The following CSMD1 variants were observed in gnomAD, a reference collection of about 807,000 sequenced individuals.
CSMD1 encodes the protein CUB and sushi domain-containing protein 1.
In CSMD1, 213 loss-of-function variants were observed where a neutral mutation model predicts 417.5. That is an observed-to-expected ratio of 0.51 (90% CI 0.46 to 0.57). CSMD1 has a LOEUF of 0.57. CSMD1 is among the 20% of genes least tolerant of loss of function. The pLI, the probability that CSMD1 is intolerant of heterozygous loss-of-function variation, is 0.00. For synonymous variants in CSMD1, 2,862 were observed against 1,736.8 expected (o/e 1.65, Z -16.11); for missense variants, 6,923 against 4,529.7 (o/e 1.53, Z -15.17).
At chr8:3,141,015 A>G (rs1818405028) in intron 41 of CSMD1, among the ~76,000 whole-genome samples, 1 of 152,176 alleles carries the variant, frequency 6.6e-6, no homozygotes, top group Non-Finnish European at 1.5e-5. Context: ...TACCTGAGAG[A>G]CCTACAGACT....
At chr8:4,287,073 G>C (rs1043331296) in intron 3 of CSMD1, among the ~76,000 whole-genome samples, 1 of 152,030 alleles carries the variant, frequency 6.6e-6, no homozygotes, top group Non-Finnish European at 1.5e-5. Context: ...TAACTTGAGA[G>C]AACAAAAAAG....
chr8:3,679,245 G>T (rs1253311175), intron 7 of CSMD1, among the ~76,000 whole-genome samples: 1 of 152,134 alleles, frequency 6.6e-6, no homozygotes, highest in South Asian at 2.1e-4. Flanking sequence ...CTGGCAAATT[G>T]GATAAAGAGT....
intron 1 of CSMD1, among the ~76,000 whole-genome samples, chr8:4,826,060 G>C (rs968423403): frequency 6.6e-6 from 1 of 151,972 alleles, no homozygotes; most frequent in Non-Finnish European, 1.5e-5. Context: ...CACAGCCATT[G>C]TGGAAAACAA....
intron 4 of CSMD1, among the ~76,000 whole-genome samples, chr8:4,031,131 C>T (rs1292788458): frequency 1.3e-5 from 2 of 152,326 alleles, no homozygotes; most frequent in East Asian, 1.9e-4. Flanking sequence ...CCAAACTGTT[C>T]TAAACTCTGC....
At chr8:3,513,658 A>C (rs1303214566) in intron 10 of CSMD1, among the ~76,000 whole-genome samples, 1 of 152,236 alleles carries the variant, frequency 6.6e-6, no homozygotes, top group Non-Finnish European at 1.5e-5. Context: ...ACAGTCTACC[A>C]GCCAATATGC....
At chr8:4,811,645 A>C (rs1798915066) in intron 1 of CSMD1, among the ~76,000 whole-genome samples, 1 of 152,100 alleles carries the variant, frequency 6.6e-6, no homozygotes, top group East Asian at 1.9e-4. Flanking sequence ...GGCTGTCATA[A>C]CTGGACTTTT....
chr8:3,137,391 G>T (rs116342251), intron 41 of CSMD1, among the ~76,000 whole-genome samples: 1 of 152,204 alleles, frequency 6.6e-6, no homozygotes, highest in Admixed American at 6.5e-5. Context: ...TAGCATCAGG[G>T]GGAATAAACA....
Position 3,396,313 on chromosome 8 carries a change from A to G in CSMD1, c.2474T>C (p.Ile825Thr). The G allele has an allele frequency of 1.2e-6, 2 of 1,607,976 alleles. No individual in the cohort carries two copies. Among genetic ancestry groups the G allele is most frequent in the Non-Finnish European group, 1.7e-6 (2 of 1,177,244 alleles). Residue 825 changes from isoleucine (I) to threonine (T), a missense_variant, in exon 17 of 70, where the codon ATC (isoleucine) becomes ACC (threonine). Ile to Thr is a moderately conservative substitution (Grantham distance 89). Coordinates refer to ENST00000635120, the MANE Select transcript of CSMD1 (RefSeq NM_033225.6). ...TGCCTGGGTGCCGTGGTACTCGCCGATCAGTGGGGACGAACTGGCTGGCCC... is the reference window on the plus strand; with the variant it reads ...TGCCTGGGTGCCGTGGTACTCGCCGGTCAGTGGGGACGAACTGGCTGGCCC... ...RDGPASSSPL[I>T]GEYHGTQAPQ...
intron 8 of CSMD1, among the ~76,000 whole-genome samples, chr8:3,589,025 T>A (rs553635039): frequency 1.3e-4 from 20 of 152,080 alleles, no homozygotes; most frequent in African/African-American, 4.8e-4. Flanking sequence ...AAAACCACAG[T>A]GAGATATCAA....
chr8:3,499,204 T>A (rs1447023103), intron 10 of CSMD1, among the ~76,000 whole-genome samples: 1 of 152,234 alleles, frequency 6.6e-6, no homozygotes, highest in African/African-American at 2.4e-5. Flanking sequence ...TGCTTTGGTT[T>A]GTATTCTGCA....
At chr8:3,737,934 G>T (rs138638801) in intron 6 of CSMD1, among the ~76,000 whole-genome samples, 1 of 152,120 alleles carries the variant, frequency 6.6e-6, no homozygotes, top group African/African-American at 2.4e-5. Context: ...GTAGATAATT[G>T]TCAAGGGAAA....
intron 55 of CSMD1, among the ~76,000 whole-genome samples, chr8:2,976,486 T>C (rs1424224145): frequency 1.3e-5 from 2 of 152,122 alleles, no homozygotes; most frequent in Non-Finnish European, 2.9e-5. Flanking sequence ...GCTGGGACTA[T>C]AGGCATGTGC....
intron 2 of CSMD1, among the ~76,000 whole-genome samples, chr8:4,462,505 A>G (rs1021143664): frequency 2.0e-5 from 3 of 152,190 alleles, no homozygotes; most frequent in Admixed American, 2.0e-4. Flanking sequence ...CCTAAAATGC[A>G]TATGGATATT....
At chr8:3,517,934 T>G (rs1797349681) in intron 10 of CSMD1, among the ~76,000 whole-genome samples, 1 of 152,158 alleles carries the variant, frequency 6.6e-6, no homozygotes, top group African/African-American at 2.4e-5. Context: ...AGTTAATAGC[T>G]TCAACAAGTC....
intron 12 of CSMD1, among the ~76,000 whole-genome samples, chr8:3,410,453 GGTCTTTCCT>G (rs1212176646): frequency 6.6e-6 from 1 of 152,134 alleles, no homozygotes; most frequent in African/African-American, 2.4e-5. Flanking sequence ...CATGGGGGCA[GGTCTTTCCT>G]GTGCTGTTCT....
intron 5 of CSMD1, among the ~76,000 whole-genome samples, chr8:3,853,210 A>T (rs1227564213): frequency 1.3e-5 from 2 of 152,060 alleles, no homozygotes; most frequent in African/African-American, 4.8e-5. Context: ...GCATGTTTTC[A>T]GTCTTCTTTG....
intron 7 of CSMD1, among the ~76,000 whole-genome samples, chr8:3,654,772 G>A (rs1299856815): frequency 6.6e-6 from 1 of 152,098 alleles, no homozygotes; most frequent in South Asian, 2.1e-4. Flanking sequence ...GGGTAGGACT[G>A]GGTGCTCCCA....
chr8:4,846,210 T>C (rs969590442), intron 1 of CSMD1, among the ~76,000 whole-genome samples: 3 of 152,208 alleles, frequency 2.0e-5, no homozygotes, highest in African/African-American at 7.2e-5. Flanking sequence ...AGGATCTTTT[T>C]TTTCTTTTTG....
At chr8:3,918,283 C>G (rs1808969170) in intron 5 of CSMD1, among the ~76,000 whole-genome samples, 1 of 152,022 alleles carries the variant, frequency 6.6e-6, no homozygotes, top group Non-Finnish European at 1.5e-5. Flanking sequence ...CCTACAAACT[C>G]TTTTCATAAG....
Sources: gnomAD v4.1 joint callset for allele counts (sites outside exome capture counted in the v4.1 genomes callset) on GRCh38, gnomAD v4.1.1 for gene constraint, MANE v1.5 for transcripts, NCBI Gene and HGNC (gene_info 2026-07-23, HGNC 2026-07-21) for gene names.